The following PDYN variants were observed in gnomAD, a reference collection of about 807,000 sequenced individuals.
The protein encoded by PDYN is prodynorphin.
In PDYN, 5 loss-of-function variants were observed where a neutral mutation model predicts 11.4. The observed-to-expected ratio is 0.44, with a 90% CI of 0.23 to 0.92. The LOEUF (loss-of-function observed/expected upper bound fraction) is 0.92. Ranked by LOEUF, PDYN falls within the 40% of genes least tolerant of loss-of-function variation. PDYN has a pLI of 0.24. For missense variants in PDYN, 337 were observed against 317.3 expected, an observed-to-expected ratio of 1.06 and a Z score of -0.47; for synonymous variants, 132 against 129.5, an observed-to-expected ratio of 1.02 and a Z score of -0.13.
chr20:1,980,248 G>A lies in PDYN; in HGVS notation c.*75C>T. 2 of 1,410,962 alleles carry A rather than the reference G, an allele frequency of 1.4e-6. No homozygotes were observed. The highest frequency in any genetic ancestry group is 1.2e-5 in the South Asian group (1 of 86,596). The allele number at this position is 1,410,962 out of a possible 1,614,324, so 87.4% of individuals were successfully genotyped here. A position where few individuals can be genotyped will look rare whatever the true frequency, so the allele number is the denominator to read the frequency against. ...GAGCATGGGGAAGGGGCACATATAA[G>A]AGGATGAATGAATGCACTCCAACCT... On this transcript the variant is annotated 3_prime_UTR_variant, in exon 4 of 4. Coordinates refer to ENST00000217305, the MANE Select transcript of PDYN (RefSeq NM_024411.5).
chr20:1,985,129 CCAT>C (rs1405647173), intron 2 of PDYN, among the ~76,000 whole-genome samples: 1 of 152,114 alleles, frequency 6.6e-6, no homozygotes, highest in Non-Finnish European at 1.5e-5. Context: ...TCCAACTTCC[CCAT>C]CCCTGCAAAC....
In PDYN at chr20:1,982,944, C is replaced by A; in HGVS notation, c.129+12G>T. 1 of 1,613,002 alleles carries A rather than the reference C, an allele frequency of 6.2e-7. No individual in the cohort carries two copies. Among genetic ancestry groups the A allele is most frequent in the South Asian group, 1.1e-5 (1 of 90,990 alleles). ...AGGACCTGGGCATTGAAGAACCTTGCCTGAAACCTACCAGGGGATTGATAG... is the reference window on the plus strand; with the variant it reads ...AGGACCTGGGCATTGAAGAACCTTGACTGAAACCTACCAGGGGATTGATAG... On this transcript the variant is annotated intron_variant, in intron 3 of 3. Transcript: ENST00000217305.
At chr20:1,993,318 C>T (rs1217655962) in intron 1 of PDYN, among the ~76,000 whole-genome samples, 1 of 152,154 alleles carries the variant, frequency 6.6e-6, no homozygotes. Context: ...TCCAACAAAA[C>T]ATCCCCAAAC....
chr20:1,993,080 A>T (rs1327361910), intron 1 of PDYN, among the ~76,000 whole-genome samples: 9 of 142,826 alleles, frequency 6.3e-5, no homozygotes, highest in African/African-American at 2.1e-4. Context: ...TTTTCCTGAA[A>T]CTCATCAGCT....
rs113640019 is a variant in PDYN at position 1,980,187 on chromosome 20, G to A, written c.*136C>T. ...CATACTCCCACGCAGAAGAGAGATAGGCTGGGCTTGGATATTTTGTACACA... is the reference window on the plus strand; with the variant it reads ...CATACTCCCACGCAGAAGAGAGATAAGCTGGGCTTGGATATTTTGTACACA... On this transcript the variant is annotated 3_prime_UTR_variant, in exon 4 of 4. Transcript: ENST00000217305. The A allele has an allele frequency of 5.5e-6, 5 of 904,260 alleles. No individual in the cohort carries two copies. The highest frequency in any genetic ancestry group is 3.3e-5 in the African/African-American group (2 of 61,302). 56.0% of individuals were successfully genotyped at this position (904,260 alleles called of 1,614,324 possible).
rs1328270630 is a variant in PDYN, at chr20:1,982,886, C to T, written c.129+70G>A. On this transcript the variant is annotated intron_variant, in intron 3 of 3. Coordinates refer to ENST00000217305, the MANE Select transcript of PDYN (RefSeq NM_024411.5). ...AGCACACAGCTGCCCAGGCCTGCAA[C>T]CTCCCCTCTCTGGGCTGCCTCGCAC... 4.5e-6 allele frequency: 7 copies of T among 1,555,062 alleles called. No homozygotes were observed. The East Asian group carries it at 9.1e-5, about 20-fold the overall frequency.
intron 2 of PDYN, 60 bp from the exon 3 acceptor site, chr20:1,983,163 C>T (rs1334973335): frequency 3.5e-6 from 5 of 1,441,514 alleles, no homozygotes; most frequent in African/African-American, 1.4e-5. Context: ...AGACTGTGTT[C>T]TGAGCCCACA....
intron 2 of PDYN, among the ~76,000 whole-genome samples, chr20:1,986,795 C>T (rs1028135754): frequency 2.6e-5 from 4 of 152,228 alleles, no homozygotes; most frequent in African/African-American, 7.2e-5. Context: ...AATTTCAAAA[C>T]AAATGCTCCA....
chr20:1,983,179 A>G, intron 2 of PDYN, 76 bp from the exon 3 acceptor site: 4 of 1,265,218 alleles, frequency 3.2e-6, no homozygotes, highest in Admixed American at 4.0e-5. Context: ...CCACAAAGTC[A>G]TCTCTAACTC....
At chr20:1,985,575 G>A (rs1235660121) in intron 2 of PDYN, among the ~76,000 whole-genome samples, 1 of 152,144 alleles carries the variant, frequency 6.6e-6, no homozygotes, top group African/African-American at 2.4e-5. Context: ...TGAGAGGTGG[G>A]TATCACTAGC....
intron 2 of PDYN, among the ~76,000 whole-genome samples, chr20:1,990,217 C>A (rs111976255): frequency 1.3e-5 from 2 of 152,102 alleles, no homozygotes; most frequent in Non-Finnish European, 2.9e-5. Flanking sequence ...GGGCCAAGAC[C>A]AAGAAGCAAG....
At chr20:1,983,149 C>G (rs1156379562) in intron 2 of PDYN, 46 bp from the exon 3 acceptor site, 6 of 1,525,038 alleles carry the variant, frequency 3.9e-6, no homozygotes, top group East Asian at 2.3e-5. Context: ...GATCACCACT[C>G]TGTAGACTGT....
Position 1,979,426 on chromosome 20 carries a change from T to C in PDYN, c.*897A>G, listed in dbSNP as rs1360117302. On this transcript the variant is annotated 3_prime_UTR_variant, in exon 4 of 4. Coordinates refer to ENST00000217305, the MANE Select transcript of PDYN (RefSeq NM_024411.5). ...GAAGCATGATACCCATCAGTTTAAT[T>C]AGTTTAATGAGGGCTGAGGGAACTG... The C allele has an allele frequency of 1.3e-5, 2 of 152,212 alleles. No individual in the cohort carries two copies. Among genetic ancestry groups the C allele is most frequent in the African/African-American group, 4.8e-5 (2 of 41,450 alleles). 9.4% of individuals were successfully genotyped at this position (152,212 alleles called of 1,614,324 possible).
intron 2 of PDYN, among the ~76,000 whole-genome samples, chr20:1,989,168 A>AT (rs906566384): frequency 2.6e-5 from 4 of 152,154 alleles, no homozygotes; most frequent in East Asian, 1.9e-4. Context: ...ATAATAAAAC[A>AT]TTTTTTATGC....
Position 1,983,087 on chromosome 20 carries a change from T to C in PDYN, c.-3A>G, listed in dbSNP as rs1372817692. On this transcript the variant is annotated 5_prime_UTR_variant, in exon 3 of 4. Coordinates refer to ENST00000217305, the MANE Select transcript of PDYN (RefSeq NM_024411.5). ...AGGACCAGCCCCTGCCAGGCCATCC[T>C]GTCTCAGCAATTCCTGCTGGGGAGG... 2 of 1,613,288 alleles carry C rather than the reference T, an allele frequency of 1.2e-6. No homozygotes were observed. The highest frequency in any genetic ancestry group is 1.7e-6 in the Non-Finnish European group (2 of 1,179,794).
At chr20:1,989,246 C>T (rs1308028693) in intron 2 of PDYN, among the ~76,000 whole-genome samples, 1 of 152,210 alleles carries the variant, frequency 6.6e-6, no homozygotes, top group African/African-American at 2.4e-5. Context: ...CAGGAAGCAA[C>T]TGGCCCCATT....
chr20:1,990,076 G>A (rs1175224835), intron 2 of PDYN, among the ~76,000 whole-genome samples: 1 of 152,212 alleles, frequency 6.6e-6, no homozygotes, highest in East Asian at 1.9e-4. Context: ...GTAGCTATGA[G>A]AAGGGACAAG....
At chr20:1,987,374 T>G (rs770800374) in intron 2 of PDYN, among the ~76,000 whole-genome samples, 2 of 152,312 alleles carry the variant, frequency 1.3e-5, no homozygotes, top group East Asian at 1.9e-4. Context: ...AATTAGGCAA[T>G]TTTTACATTT....
At position 1,979,230 on chromosome 20, in the gene PDYN, T is replaced by C. The variant is rs1987560445; in HGVS notation, c.*1093A>G. 1 of 152,374 alleles carries C rather than the reference T, an allele frequency of 6.6e-6. No homozygotes were observed. Among genetic ancestry groups the C allele is most frequent in the East Asian group, 1.9e-4 (1 of 5,224 alleles). The allele number at this position is 152,374 out of a possible 1,614,324, so 9.4% of individuals were successfully genotyped here. ...TAAGAGGAAAGAAGCATTATGGGGA[T>C]TGAAGAGGGCTTTTTCTCTTTCTAG... is the stretch of plus-strand genomic sequence containing the variant. On this transcript the variant is annotated 3_prime_UTR_variant, in exon 4 of 4. Transcript: ENST00000217305.
Sources: allele counts gnomAD v4.1 joint callset (sites outside exome capture counted in the v4.1 genomes callset), GRCh38; gene constraint gnomAD v4.1.1; transcripts MANE v1.5; gene names NCBI Gene and HGNC (gene_info 2026-07-23, HGNC 2026-07-21).